ADCY8: variants seen among roughly 807,000 people sequenced by gnomAD.
ADCY8 encodes adenylate cyclase 8, also known as adenylate cyclase type 8.
A neutral mutation model predicts 119.7 loss-of-function variants in ADCY8; 51 were observed. The observed-to-expected ratio is 0.43, with a 90% CI of 0.34 to 0.54. The LOEUF is 0.54. Ranked by LOEUF, ADCY8 falls within the 20% of genes least tolerant of loss-of-function variation. The pLI is 0.03. For missense variants in ADCY8, 1,383 were observed against 1,598.8 expected (o/e 0.87, Z 2.30); for synonymous variants, 665 against 651.0 (o/e 1.02, Z -0.33).
intron 1 of ADCY8, among the ~76,000 whole-genome samples, chr8:131,006,023 C>G (rs1341097794): frequency 1.3e-5 from 2 of 152,090 alleles, no homozygotes; most frequent in African/African-American, 4.8e-5. Flanking sequence ...CAAATTCTCT[C>G]TCTCTCTCTC....
chr8:130,972,210 T>C (rs1488624221), intron 2 of ADCY8, among the ~76,000 whole-genome samples: 1 of 152,194 alleles, frequency 6.6e-6, no homozygotes, highest in Non-Finnish European at 1.5e-5. Flanking sequence ...ATACTTTTAT[T>C]GAGCACTTAC....
intron 9 of ADCY8, 151 bp downstream of exon 9, chr8:130,867,695 C>T (rs990814607): frequency 2.1e-5 from 10 of 469,596 alleles, no homozygotes; most frequent in Non-Finnish European, 3.8e-5. Context: ...GTAAGACAAC[C>T]GGAATAGACA....
chr8:130,822,368 A>G (rs779081543), intron 12 of ADCY8, among the ~76,000 whole-genome samples: 2 of 152,202 alleles, frequency 1.3e-5, no homozygotes, highest in African/African-American at 2.4e-5. Context: ...GTCATATATC[A>G]TGTTTGAAGC....
At chr8:130,829,107 T>C (rs951846155) in intron 12 of ADCY8, among the ~76,000 whole-genome samples, 9 of 152,222 alleles carry the variant, frequency 5.9e-5, no homozygotes, top group Non-Finnish European at 7.3e-5. Flanking sequence ...CTAGTTCCTC[T>C]GGTTCCATGG....
intron 12 of ADCY8, among the ~76,000 whole-genome samples, chr8:130,828,970 GTC>G (rs1214702593): frequency 2.0e-5 from 3 of 152,170 alleles, no homozygotes; most frequent in Non-Finnish European, 2.9e-5. Context: ...ATGTCACGTA[GTC>G]TCTCCTGAGA....
intron 15 of ADCY8, among the ~76,000 whole-genome samples, chr8:130,796,185 C>T (rs887781222): frequency 3.9e-5 from 6 of 152,242 alleles, no homozygotes; most frequent in Admixed American, 1.3e-4. Context: ...GAGCCAGCTT[C>T]AGGCTCTGGT....
At chr8:130,915,130 A>T (rs1013975320) in intron 5 of ADCY8, among the ~76,000 whole-genome samples, 4 of 152,310 alleles carry the variant, frequency 2.6e-5, no homozygotes, top group African/African-American at 9.6e-5. Flanking sequence ...TAAAAAACAC[A>T]CGTAATTATC....
At position 130,974,375 on chromosome 8, in the gene ADCY8, T is replaced by G. The variant is rs367559934; in HGVS notation, c.1110+16018A>C. On this transcript the variant is annotated intron_variant, in intron 2 of 17. Transcript: ENST00000286355. ...GGGGCATAAAGGACTGTGGTGGGCA[T>G]GGTAGCCAAGACCTCCACATCTCTT... 4.6e-5 allele frequency among the ~76,000 whole-genome samples: 7 copies of G among 152,318 alleles called. No individual in the cohort carries two copies. The South Asian group carries it at 1.5e-3, about 32-fold the overall frequency.
chr8:130,961,027 C>T (rs1356856256), intron 2 of ADCY8, among the ~76,000 whole-genome samples: 1 of 151,912 alleles, frequency 6.6e-6, no homozygotes, highest in Non-Finnish European at 1.5e-5. Flanking sequence ...TTTGGGATTC[C>T]AGTCACTCTT....
chr8:130,821,198 GT>G, intron 13 of ADCY8, 143 bp downstream of exon 13: 2 of 600,680 alleles, frequency 3.3e-6, no homozygotes, highest in Non-Finnish European at 5.9e-6. Context: ...TCATTAGGTG[GT>G]CTTTATTAGG....
At chr8:130,846,107 T>C (rs900520873) in intron 11 of ADCY8, among the ~76,000 whole-genome samples, 3 of 152,130 alleles carry the variant, frequency 2.0e-5, no homozygotes, top group Non-Finnish European at 4.4e-5. Context: ...GACCAATTCT[T>C]AGGCCTAGAA....
intron 1 of ADCY8, among the ~76,000 whole-genome samples, chr8:131,021,706 C>T (rs1823674963): frequency 6.6e-6 from 1 of 152,080 alleles, no homozygotes; most frequent in Non-Finnish European, 1.5e-5. Flanking sequence ...CCCTCTTTTG[C>T]TTGGCACTTC....
chr8:130,941,886 G>A (rs2130636151), intron 4 of ADCY8, among the ~76,000 whole-genome samples: 1 of 152,242 alleles, frequency 6.6e-6, no homozygotes, highest in Middle Eastern at 3.4e-3. Flanking sequence ...TTGCTAATTA[G>A]TGTATAAATT....
At position 130,966,125 on chromosome 8, in the gene ADCY8, G is replaced by T. The variant is rs555175737; in HGVS notation, c.1111-14127C>A. On this transcript the variant is annotated intron_variant, in intron 2 of 17. Transcript: ENST00000286355. ...ACTTATGGAATCTAAGGGTGAAACT[G>T]AGGCTGGACTTTGGGAACAAAAGAG... Among the ~76,000 whole-genome samples the T allele has an allele frequency of 2.0e-5, 3 of 152,300 alleles. No individual in the cohort carries two copies. The South Asian group carries it at 6.2e-4, about 32-fold the overall frequency.
At chr8:130,857,492 C>T (rs966839670) in intron 9 of ADCY8, among the ~76,000 whole-genome samples, 29 of 152,140 alleles carry the variant, frequency 1.9e-4, no homozygotes, top group African/African-American at 6.8e-4. Flanking sequence ...AAACACATGC[C>T]TCTGACCCGT....
intron 1 of ADCY8, among the ~76,000 whole-genome samples, chr8:131,010,803 C>T (rs1938244295): frequency 1.3e-5 from 2 of 152,212 alleles, no homozygotes; most frequent in Admixed American, 1.3e-4. Context: ...TACAAGCCAA[C>T]TGCTTTATCT....
At chr8:130,783,937 G>A in intron 16 of ADCY8, 132 bp from the exon 17 acceptor site, 1 of 641,404 alleles carries the variant, frequency 1.6e-6, no homozygotes, top group Non-Finnish European at 2.7e-6. Context: ...TCATGTGGGT[G>A]AGCCCCTCTA....
At chr8:130,823,926 T>A (rs895278874) in intron 12 of ADCY8, among the ~76,000 whole-genome samples, 1 of 152,214 alleles carries the variant, frequency 6.6e-6, no homozygotes, top group African/African-American at 2.4e-5. Flanking sequence ...TAATTTCAAG[T>A]AATTAAGTAC....
chr8:130,788,318 G>C (rs1271459460), intron 15 of ADCY8, among the ~76,000 whole-genome samples: 1 of 152,186 alleles, frequency 6.6e-6, no homozygotes, highest in African/African-American at 2.4e-5. Context: ...CATAAAAGAA[G>C]GAAATCCTGT....
Sources: allele counts gnomAD v4.1 joint callset (sites outside exome capture counted in the v4.1 genomes callset), GRCh38; gene constraint gnomAD v4.1.1; transcripts MANE v1.5; gene names NCBI Gene and HGNC (gene_info 2026-07-23, HGNC 2026-07-21).